Variants in AMMECR1L observed in about 807,000 individuals in gnomAD.
AMMECR1L encodes the protein AMMECR1 like, also known as AMMECR1-like protein.
A neutral mutation model predicts 36.8 loss-of-function variants in AMMECR1L; 4 were observed. The ratio of observed to expected loss-of-function variants is 0.11; its 90% CI spans 0.05 to 0.25. AMMECR1L has a LOEUF of 0.25. Among genes scored for constraint, AMMECR1L ranks in the 10% least tolerant of loss-of-function variants. AMMECR1L has a pLI of 1.00. For missense variants in AMMECR1L, 232 were observed against 392.1 expected, an observed-to-expected ratio of 0.59 and a Z score of 3.45; for synonymous variants, 147 against 148.0, an observed-to-expected ratio of 0.99 and a Z score of 0.05.
At chr2:127,882,382 T>C (rs1691541174) in intron 2 of AMMECR1L, among the ~76,000 whole-genome samples, 1 of 152,242 alleles carries the variant, frequency 6.6e-6, no homozygotes, top group South Asian at 2.1e-4. Flanking sequence ...TGAAATTCAA[T>C]TTAATAATTA....
chr2:127,866,968 G>T lies in AMMECR1L; in HGVS notation c.753C>A (p.Ser251=), dbSNP rs757104267. The change falls in exon 7 of 8, where the codon TCC becomes TCA. Residue 251 remains serine, a synonymous_variant. Transcript: ENST00000272647. ...QDWDQIQTID[S]LLRKGGFKAP... is the part of the protein sequence containing the mutation. ...CTTTAAAGCCACCTTTCCTGAGCAA[G>T]GAGTCTATTGTCTGGATCTGATCCC... The T allele has an allele frequency of 6.2e-7, 1 of 1,614,104 alleles. No individual in the cohort carries two copies.
Position 127,871,023 on chromosome 2 carries a change from T to C in AMMECR1L, c.519-95A>G. On this transcript the variant is annotated intron_variant, in intron 4 of 7. Coordinates refer to ENST00000272647, the MANE Select transcript of AMMECR1L (RefSeq NM_001199140.2). The surrounding 1 kb of genome is among the most constrained non-coding windows in gnomAD (Gnocchi z 4.3). ...CCACATATTTATGAATCTTGAGCTA[T>C]GCAGAGAGTATCTATTGTTCATCAA... 9.8e-7 allele frequency: 1 copy of C among 1,015,984 alleles called. No homozygotes were observed. The allele number at this position is 1,015,984 out of a possible 1,614,324, so 62.9% of individuals were successfully genotyped here.
intron 6 of AMMECR1L, among the ~76,000 whole-genome samples, chr2:127,868,064 A>T (rs1690777674): frequency 6.6e-6 from 1 of 152,052 alleles, no homozygotes; most frequent in Admixed American, 6.6e-5. Context: ...TGTAGAGACG[A>T]GGTTTCGCCA....
At chr2:127,867,106 C>T in intron 6 of AMMECR1L, 110 bp from the exon 7 acceptor site, 1 of 1,536,534 alleles carries the variant, frequency 6.5e-7, no homozygotes, top group Non-Finnish European at 8.7e-7. Flanking sequence ...GCCGAGTCTG[C>T]TAAGGCAGAG....
In AMMECR1L at chr2:127,866,890, A is replaced by T. The variant is rs777156093; in HGVS notation, c.821+10T>A. The T allele has an allele frequency of 1.2e-6, 2 of 1,612,178 alleles. No homozygotes were observed. The highest frequency in any genetic ancestry group is 1.7e-6 in the Non-Finnish European group (2 of 1,178,316). On this transcript the variant is annotated intron_variant, in intron 7 of 7. Transcript: ENST00000272647. ...ATTGAAATGATAAGGAAAACAAGAC[A>T]ATGGCTTACCTGGTGAGTTTGATCG... is the stretch of plus-strand genomic sequence containing the variant.
In AMMECR1L at chr2:127,873,708, C is replaced by T. The variant is rs1691097884; in HGVS notation, c.407+120G>A. 2 of 1,569,912 alleles carry T rather than the reference C, an allele frequency of 1.3e-6. No individual in the cohort carries two copies. Among genetic ancestry groups the T allele is most frequent in the Non-Finnish European group, 1.7e-6 (2 of 1,168,780 alleles). ...TCTGGACATTTCTTATCATTCTCTT[C>T]CCATTACCCTTTCCTCAAATGATAA... On this transcript the variant is annotated intron_variant, in intron 3 of 7. Coordinates refer to ENST00000272647, the MANE Select transcript of AMMECR1L (RefSeq NM_001199140.2). The surrounding 1 kb of genome is among the most constrained non-coding windows in gnomAD (Gnocchi z 5.2).
chr2:127,867,067 G>A, intron 6 of AMMECR1L, 71 bp from the exon 7 acceptor site: 1 of 1,598,940 alleles, frequency 6.3e-7, no homozygotes, highest in Non-Finnish European at 8.5e-7. Flanking sequence ...CATGGCCCGT[G>A]CAAGAAGAGA....
Position 127,867,138 on chromosome 2 carries a change from C to A in AMMECR1L, c.725-142G>T, listed in dbSNP as rs965307001. 21 of 1,472,690 alleles carry A rather than the reference C, an allele frequency of 1.4e-5. No individual in the cohort carries two copies. In the African/African-American group the frequency reaches 2.8e-4, roughly 20 times the overall value. 91.2% of individuals were successfully genotyped at this position (1,472,690 alleles called of 1,614,324 possible). On this transcript the variant is annotated intron_variant, in intron 6 of 7. Transcript: ENST00000272647. ...AGAGGAAGCCCTGGGCACTGACCCC[C>A]ACGTACCTGGCGCCCAGTCTGTCTG...
intron 2 of AMMECR1L, among the ~76,000 whole-genome samples, chr2:127,882,546 T>G (rs1239783210): frequency 6.6e-6 from 1 of 152,190 alleles, no homozygotes. Flanking sequence ...TCCAAAACAT[T>G]TGGTGTGTGA....
rs763524168 is a variant in AMMECR1L, at chr2:127,867,000, GGGA to G, written c.725-7_725-5del. 7 of 1,614,140 alleles carry G rather than the reference GGGA, an allele frequency of 4.3e-6. No individual in the cohort carries two copies. Among genetic ancestry groups the G allele is most frequent in the Non-Finnish European group, 5.9e-6 (7 of 1,179,988 alleles). On this transcript the variant is annotated splice_region_variant and splice_polypyrimidine_tract_variant and intron_variant, in intron 6 of 7. Transcript: ENST00000272647. Reference sequence around the variant, plus strand: ...ATTGTCTGGATCTGATCCCAGTCTGGGGAGGAGAAAGGCCACACTGAGGTCAAT... The same window carrying G: ...ATTGTCTGGATCTGATCCCAGTCTGGGGAGAAAGGCCACACTGAGGTCAAT...
Position 127,874,951 on chromosome 2 carries a change from C to T in AMMECR1L, c.-38-679G>A, listed in dbSNP as rs961053445. On this transcript the variant is annotated intron_variant, in intron 2 of 7. Coordinates refer to ENST00000272647, the MANE Select transcript of AMMECR1L (RefSeq NM_001199140.2). The surrounding 1 kb of genome is among the most constrained non-coding windows in gnomAD (Gnocchi z 5.2). ...ATACATCTCCCTATCCTTTCAAGAC[C>T]CCATTCAGAAAACCTGCAACCTAGC... Among the ~76,000 whole-genome samples, 5 of 152,270 alleles carry T rather than the reference C, an allele frequency of 3.3e-5. No homozygotes were observed. The East Asian group carries it at 9.7e-4, about 29-fold the overall frequency.
At position 127,873,691 on chromosome 2, in the gene AMMECR1L, T is replaced by G; in HGVS notation, c.407+137A>C. 1 of 1,557,554 alleles carries G rather than the reference T, an allele frequency of 6.4e-7. No individual in the cohort carries two copies. Among genetic ancestry groups the G allele is most frequent in the Non-Finnish European group, 8.6e-7 (1 of 1,164,034 alleles). ...GAATGTTTTAAATATTCTCTGGACA[T>G]TTCTTATCATTCTCTTCCCATTACC... On this transcript the variant is annotated intron_variant, in intron 3 of 7. Coordinates refer to ENST00000272647, the MANE Select transcript of AMMECR1L (RefSeq NM_001199140.2). The surrounding 1 kb of genome is among the most constrained non-coding windows in gnomAD (Gnocchi z 5.2).
intron 2 of AMMECR1L, among the ~76,000 whole-genome samples, chr2:127,883,136 C>T (rs1691591042): frequency 6.7e-6 from 1 of 148,336 alleles, no homozygotes; most frequent in Non-Finnish European, 1.5e-5. Context: ...CTCGCTCTGT[C>T]GTCAGGCTGG....
intron 2 of AMMECR1L, among the ~76,000 whole-genome samples, chr2:127,880,267 A>G (rs74520092): frequency 0.012 from 1,873 of 152,332 alleles, 42 homozygotes; most frequent in African/African-American, 0.044. Context: ...CTCAAGGGCC[A>G]TGGTGAGAGT....
chr2:127,865,122 G>T lies in AMMECR1L; in HGVS notation c.905C>A (p.Ala302Asp). The stretch of plus-strand genomic sequence containing the variant: ...GGAGTAATGATTGTAGAGGGGCGGG[G>T]CATGAAGAGTGCCGTTCTGGAAACA... ...QHCFQNGTLH[A>D]PPLYNHYS Residue 302 changes from alanine (A) to aspartate (D), a missense_variant, in exon 8 of 8, where the codon GCC (alanine) becomes GAC (aspartate). Around this residue, in one of 3 missense-constraint regions of AMMECR1L, gnomAD observed 40 missense variants for 34.5 expected, o/e 1.16. Coordinates refer to ENST00000272647, the MANE Select transcript of AMMECR1L (RefSeq NM_001199140.2). The surrounding 1 kb of genome is among the most constrained non-coding windows in gnomAD (Gnocchi z 5.4). 6.2e-7 allele frequency: 1 copy of T among 1,613,864 alleles called. No individual in the cohort carries two copies. The highest frequency in any genetic ancestry group is 1.3e-5 in the African/African-American group (1 of 75,014).
At chr2:127,877,036 C>CATATATATATATATATATATATATACAT (rs10568778) in intron 2 of AMMECR1L, among the ~76,000 whole-genome samples, 15 of 142,228 alleles carry the variant, frequency 1.1e-4, no homozygotes, top group African/African-American at 3.8e-4. Flanking sequence ...TATATATATA[C>CATATATATATATATATATATATATACAT]ATATATATAT....
chr2:127,867,269 A>T, intron 6 of AMMECR1L: 1 of 985,460 alleles, frequency 1.0e-6, no homozygotes, highest in Non-Finnish European at 1.2e-6. Flanking sequence ...ATGTTACCCC[A>T]GTATAATTAT....
Position 127,870,913 on chromosome 2 carries a change from G to A in AMMECR1L, c.534C>T (p.Ser178=). The part of the protein sequence containing the change: ...EYTLTSALKD[S]RFPPLTREEL... ...CCTCTCGGGTCAGGGGGGGAAATCG[G>A]CTGTCCTTAAGTGCACTGGAGGGGG... Residue 178 remains serine, a synonymous_variant, in exon 5 of 8, where the codon AGC becomes AGT. Transcript: ENST00000272647. 1 of 1,613,102 alleles carries A rather than the reference G, an allele frequency of 6.2e-7. No homozygotes were observed. The highest frequency in any genetic ancestry group is 8.5e-7 in the Non-Finnish European group (1 of 1,179,596).
rs1004031143 is a variant in AMMECR1L, at chr2:127,873,450, C to T, written c.407+378G>A. 11 of 985,304 alleles carry T rather than the reference C, an allele frequency of 1.1e-5. No individual in the cohort carries two copies. Among genetic ancestry groups the T allele is most frequent in the Non-Finnish European group, 1.2e-5 (10 of 829,948 alleles). 61.0% of individuals were successfully genotyped at this position (985,304 alleles called of 1,614,324 possible). On this transcript the variant is annotated intron_variant, in intron 3 of 7. Transcript: ENST00000272647. The surrounding 1 kb of genome is among the most constrained non-coding windows in gnomAD (Gnocchi z 5.2). The stretch of plus-strand genomic sequence containing the variant: ...GAGAGCTCCTAGTCTCCAGCCTGGC[C>T]CTCAGACTTCCAACTCACCTGGACT...
Sources: gnomAD v4.1 joint callset for allele counts (sites outside exome capture counted in the v4.1 genomes callset) on GRCh38, gnomAD v4.1.1 for gene constraint, gnomAD v4.1.1 regional missense constraint, Gnocchi (gnomAD v3.1) non-coding constraint, MANE v1.5 for transcripts, NCBI Gene and HGNC (gene_info 2026-07-23, HGNC 2026-07-21) for gene names.